CDH24: variants seen among roughly 807,000 people sequenced by gnomAD.
CDH24 encodes the protein cadherin 24.
A neutral mutation model predicts 71.2 loss-of-function variants in CDH24; 61 were observed. The observed-to-expected ratio is 0.86, with a 90% CI of 0.70 to 1.06. The LOEUF is 1.06. Among genes scored for constraint, CDH24 ranks in the 50% least tolerant of loss-of-function variants. CDH24 has a pLI of 0.00. For missense variants in CDH24, 961 were observed against 1,083.7 expected (o/e 0.89, Z 1.59); for synonymous variants, 440 against 470.2 (o/e 0.94, Z 0.83).
Position 23,055,219 on chromosome 14 carries a change from C to T in CDH24, c.336G>A (p.Lys112=), listed in dbSNP as rs1381035011. ...HVTKSLDREE[K]AQYVLLAQAV... ...CTTGGGCCAGTAGCACATATTGCGC[C>T]TTTTCCTCCCGGTCAAGGCTCTTGG... The change falls in exon 3 of 13, where the codon AAG becomes AAA. Residue 112 remains lysine (K), a synonymous_variant. Transcript: ENST00000487137. The surrounding 1 kb of genome is among the most constrained non-coding windows in gnomAD (Gnocchi z 4.1). The T allele has an allele frequency of 1.9e-6, 3 of 1,614,094 alleles. No homozygotes were observed. The Admixed American group carries it at 5.0e-5, about 27-fold the overall frequency.
chr14:23,048,240 G>C lies in CDH24; in HGVS notation c.2086C>G (p.Pro696Ala), dbSNP rs1379128262. The C allele has an allele frequency of 7.3e-7, 1 of 1,364,436 alleles. No individual in the cohort carries two copies. Among genetic ancestry groups the C allele is most frequent in the East Asian group, 3.3e-5 (1 of 29,990 alleles). 84.5% of individuals were successfully genotyped at this position (1,364,436 alleles called of 1,614,324 possible). Residue 696 changes from proline (P) to alanine (A), a missense_variant, in exon 12 of 13, where the codon CCC (proline) becomes GCC (alanine). Pro to Ala is a conservative substitution (Grantham distance 27). Transcript: ENST00000487137. Reference protein sequence around the residue: ...PRARVSRQPRPPGPADVAQLL... With the variant: ...PRARVSRQPRAPGPADVAQLL... ...TGCGCCACGTCGGCGGGGCCGGGGG[G>C]TCTGGGCTGGCGCGACACCCGGGCC...
Position 23,048,174 on chromosome 14 carries a change from CG to C in CDH24, c.2151del (p.Gly718AlafsTer85). ...ALRLREADED[P>X]GVPPYDSVQV... Reference sequence around the variant, plus strand: ...TGCACCGAGTCGTACGGGGGTACGCCGGGGTCCTCGTCCGCCTCGCGGAGCC... The same window carrying C: ...TGCACCGAGTCGTACGGGGGTACGCCGGGTCCTCGTCCGCCTCGCGGAGCC... On this transcript the variant is annotated frameshift_variant, in exon 12 of 13. Transcript: ENST00000487137. LOFTEE classifies it high-confidence loss of function. The C allele has an allele frequency of 2.2e-6, 3 of 1,350,910 alleles. No individual in the cohort carries two copies. 83.7% of individuals were successfully genotyped at this position (1,350,910 alleles called of 1,614,324 possible).
Position 23,047,224 on chromosome 14 carries a change from T to C in CDH24, c.*670A>G, listed in dbSNP as rs1271186815. On this transcript the variant is annotated 3_prime_UTR_variant, in exon 13 of 13. Coordinates refer to ENST00000487137, the MANE Select transcript of CDH24 (RefSeq NM_144985.4). Reference sequence around the variant, plus strand: ...CAGGGCTGGGATGCCCAGGGGAAGCTGACAGCTGGGCAGAGCTCCAGGGAG... The same window carrying C: ...CAGGGCTGGGATGCCCAGGGGAAGCCGACAGCTGGGCAGAGCTCCAGGGAG... 6.6e-6 allele frequency: 1 copy of C among 152,228 alleles called. No individual in the cohort carries two copies. Among genetic ancestry groups the C allele is most frequent in the African/African-American group, 2.4e-5 (1 of 41,426 alleles). 9.4% of individuals were successfully genotyped at this position (152,228 alleles called of 1,614,324 possible). A position where few individuals can be genotyped will look rare whatever the true frequency, so the allele number is the denominator to read the frequency against.
rs1458768289 is a variant in CDH24 at position 23,048,230 on chromosome 14, G to T, written c.2096C>A (p.Pro699His). ...RVSRQPRPPG[P>H]ADVAQLLALR... The stretch of plus-strand genomic sequence containing the variant: ...CGCCAGGAGCTGCGCCACGTCGGCG[G>T]GGCCGGGGGGTCTGGGCTGGCGCGA... Residue 699 changes from proline to histidine, a missense_variant, in exon 12 of 13, where the codon CCC becomes CAC. Physicochemically the swap from Pro to His is moderately conservative, Grantham distance 77 (BLOSUM62 -2). Around this residue, in one of 2 missense-constraint regions of CDH24, gnomAD observed 290 missense variants for 272.8 expected, o/e 1.06. Coordinates refer to ENST00000487137, the MANE Select transcript of CDH24 (RefSeq NM_144985.4). The T allele has an allele frequency of 7.6e-7, 1 of 1,317,062 alleles. No homozygotes were observed. The highest frequency in any genetic ancestry group is 2.0e-5 in the South Asian group (1 of 51,124). The allele number at this position is 1,317,062 out of a possible 1,614,324, so 81.6% of individuals were successfully genotyped here.
intron 1 of CDH24, among the ~76,000 whole-genome samples, chr14:23,056,085 C>G (rs958777082): frequency 6.6e-6 from 1 of 152,180 alleles, no homozygotes; most frequent in African/African-American, 2.4e-5. Context: ...GAGTAGAGAA[C>G]TGGGGAGGAA....
chr14:23,054,167 G>T lies in CDH24; in HGVS notation c.946C>A (p.Arg316=). 6.2e-7 allele frequency: 1 copy of T among 1,607,786 alleles called. No individual in the cohort carries two copies. The highest frequency in any genetic ancestry group is 8.5e-7 in the Non-Finnish European group (1 of 1,176,378). ...AFSISTDLQG[R]DGLLTVRKPL... is the part of the protein sequence containing the mutation. ...TTGCGGACAGTGAGGAGCCCGTCTC[G>T]ACCCTGCAAGTCTGTGCTGATGCTG... Residue 316 remains arginine (R), a synonymous_variant, in exon 6 of 13, where the codon CGA becomes AGA. Coordinates refer to ENST00000487137, the MANE Select transcript of CDH24 (RefSeq NM_144985.4). This position sits in a 1 kb window ranked among gnomAD's most constrained non-coding sequence, Gnocchi z 5.2.
chr14:23,049,760 C>A (rs1160992771), intron 9 of CDH24, 22 bp from the exon 10 acceptor site: 2 of 1,612,090 alleles, frequency 1.2e-6, no homozygotes, highest in Middle Eastern at 1.7e-4. Flanking sequence ...AAGAGAGAGG[C>A]CTTGTATGGA....
rs957603191 is a variant in CDH24, at chr14:23,047,950, C to T, written c.*30G>A. ...AGAGGGCCTGTGCCCGCTGCCCCCCCCCCGCGGTGGGCCGGGCCAGCCCGG... is the reference window on the plus strand; with the variant it reads ...AGAGGGCCTGTGCCCGCTGCCCCCCTCCCGCGGTGGGCCGGGCCAGCCCGG... On this transcript the variant is annotated 3_prime_UTR_variant, in exon 12 of 13. Coordinates refer to ENST00000487137, the MANE Select transcript of CDH24 (RefSeq NM_144985.4). The T allele has an allele frequency of 1.3e-4, 167 of 1,290,828 alleles. No homozygotes were observed. Among genetic ancestry groups the T allele is most frequent in the African/African-American group, 5.8e-4 (37 of 63,830 alleles). The allele number at this position is 1,290,828 out of a possible 1,614,324, so 80.0% of individuals were successfully genotyped here.
chr14:23,048,474 C>A lies in CDH24; in HGVS notation c.1852G>T (p.Val618Leu). 6.2e-7 allele frequency: 1 copy of A among 1,606,504 alleles called. No homozygotes were observed. The highest frequency in any genetic ancestry group is 8.5e-7 in the Non-Finnish European group (1 of 1,179,246). Residue 618 changes from valine (V) to leucine (L), a missense_variant, in exon 12 of 13, where the codon GTG (valine) becomes TTG (leucine). By Grantham distance (32) the Val-to-Leu change is conservative. Transcript: ENST00000487137. ...CGCCGCAGGGCCACGAAGAGCACCA[C>A]CAGGGCTGCGCGAGAGGCGCGCACA... is the stretch of plus-strand genomic sequence containing the variant. The part of the protein sequence containing the change: ...ITCVGALLAL[V>L]VLFVALRRQK...
chr14:23,056,078 T>C (rs2047127799), intron 1 of CDH24, among the ~76,000 whole-genome samples: 1 of 151,856 alleles, frequency 6.6e-6, no homozygotes, highest in African/African-American at 2.4e-5. Flanking sequence ...CAACTCTGAG[T>C]AGAGAACTGG....
Position 23,055,312 on chromosome 14 carries a change from G to A in CDH24, c.243C>T (p.Tyr81=), listed in dbSNP as rs143834514. The change falls in exon 3 of 13, where the codon TAC becomes TAT. Residue 81 remains tyrosine (Y), a synonymous_variant. Coordinates refer to ENST00000487137, the MANE Select transcript of CDH24 (RefSeq NM_144985.4). This position sits in a 1 kb window ranked among gnomAD's most constrained non-coding sequence, Gnocchi z 4.1. Reference sequence around the variant, plus strand: ...TGCCTGCCCCCTCCCCGGTCAACAGGTACTTGGTGCGGCCCTCTCCCCGGT... The same window carrying A: ...TGCCTGCCCCCTCCCCGGTCAACAGATACTTGGTGCGGCCCTCTCCCCGGT... ...DVDRGEGRTK[Y]LLTGEGAGTV... 11 of 1,610,970 alleles carry A rather than the reference G, an allele frequency of 6.8e-6. No individual in the cohort carries two copies. The highest frequency in any genetic ancestry group is 1.7e-4 in the Middle Eastern group (1 of 6,048).
chr14:23,054,682 A>G lies in CDH24; in HGVS notation c.617-9T>C. ...GGCTGTACGCACCACTCCTAGGGAG[A>G]GATGCTGGTCAGAGGGTGTCTGTCC... On this transcript the variant is annotated splice_polypyrimidine_tract_variant and intron_variant, in intron 4 of 12. Coordinates refer to ENST00000487137, the MANE Select transcript of CDH24 (RefSeq NM_144985.4). The surrounding 1 kb of genome is among the most constrained non-coding windows in gnomAD (Gnocchi z 5.2). The G allele has an allele frequency of 6.2e-7, 1 of 1,613,626 alleles. No individual in the cohort carries two copies. The highest frequency in any genetic ancestry group is 1.7e-5 in the Admixed American group (1 of 59,984).
chr14:23,050,122 A>C, intron 8 of CDH24, 179 bp from the exon 9 acceptor site: 1 of 795,562 alleles, frequency 1.3e-6, no homozygotes, highest in African/African-American at 1.7e-5. Context: ...AACAATACCA[A>C]GTGCATACAA....
In CDH24 at chr14:23,052,570, G is replaced by A; in HGVS notation, c.1266C>T (p.Phe422=). 6.2e-7 allele frequency: 1 copy of A among 1,614,074 alleles called. No homozygotes were observed. Among genetic ancestry groups the A allele is most frequent in the Non-Finnish European group, 8.5e-7 (1 of 1,180,000 alleles). The change falls in exon 8 of 13, where the codon TTC becomes TTT. Residue 422 remains phenylalanine (F), a synonymous_variant. Coordinates refer to ENST00000487137, the MANE Select transcript of CDH24 (RefSeq NM_144985.4). ...ILPHSDPERC[F]SIQPEEGTIH... ...TGGTGCCTTCCTCGGGCTGGATAGA[G>A]AAGCAACGCTCCGGATCTGAGTGGG...
At position 23,048,241 on chromosome 14, in the gene CDH24, T is replaced by G. The variant is rs751286257; in HGVS notation, c.2085A>C (p.Arg695Ser). 1 of 1,360,730 alleles carries G rather than the reference T, an allele frequency of 7.3e-7. No individual in the cohort carries two copies. The highest frequency in any genetic ancestry group is 9.4e-7 in the Non-Finnish European group (1 of 1,062,860). 84.3% of individuals were successfully genotyped at this position (1,360,730 alleles called of 1,614,324 possible). The change falls in exon 12 of 13, where the codon AGA becomes AGC. Residue 695 changes from arginine (R) to serine (S), a missense_variant. Around this residue, in one of 2 missense-constraint regions of CDH24, gnomAD observed 290 missense variants for 272.8 expected, o/e 1.06. Transcript: ENST00000487137. The part of the protein sequence containing the change: ...LPRARVSRQP[R>S]PPGPADVAQL... ...GCGCCACGTCGGCGGGGCCGGGGGG[T>G]CTGGGCTGGCGCGACACCCGGGCCC...
Position 23,055,762 on chromosome 14 carries a change from C to A in CDH24, c.-29G>T. The A allele has an allele frequency of 1.3e-6, 2 of 1,524,404 alleles. No homozygotes were observed. Among genetic ancestry groups the A allele is most frequent in the South Asian group, 1.3e-5 (1 of 79,658 alleles). The allele number at this position is 1,524,404 out of a possible 1,614,324, so 94.4% of individuals were successfully genotyped here. A position where few individuals can be genotyped will look rare whatever the true frequency, so the allele number is the denominator to read the frequency against. ...TGGACTCCAGCCAGGGCTCTGTTCA[C>A]TGGCCCTGGGTGCTGAGGCTGGGCC... On this transcript the variant is annotated 5_prime_UTR_variant, in exon 2 of 13. Transcript: ENST00000487137. This position sits in a 1 kb window ranked among gnomAD's most constrained non-coding sequence, Gnocchi z 4.1.
At position 23,054,925 on chromosome 14, in the gene CDH24, C is replaced by T. The variant is rs989653443; in HGVS notation, c.497-59G>A. ...GCAGGGAAGGATGGGGAAGAACAAC[C>T]GATGGGGGGGGATGCAGATACGAGG... On this transcript the variant is annotated intron_variant, in intron 3 of 12. Transcript: ENST00000487137. This position sits in a 1 kb window ranked among gnomAD's most constrained non-coding sequence, Gnocchi z 5.2. 2.2e-5 allele frequency: 35 copies of T among 1,565,166 alleles called. No individual in the cohort carries two copies. The highest frequency in any genetic ancestry group is 1.7e-4 in the Middle Eastern group (1 of 5,942).
In CDH24 at chr14:23,048,146, A is replaced by C; in HGVS notation, c.2180T>G (p.Val727Gly). Residue 727 changes from valine (V) to glycine (G), a missense_variant, in exon 12 of 13, where the codon GTG becomes GGG. Val to Gly is a moderately radical substitution (Grantham distance 109). Coordinates refer to ENST00000487137, the MANE Select transcript of CDH24 (RefSeq NM_144985.4). ...GGAGCCGCGGCCCTCGTAGCCGTAC[A>C]CCTGCACCGAGTCGTACGGGGGTAC... ...PGVPPYDSVQ[V>G]YGYEGRGSSC... 7 of 1,383,428 alleles carry C rather than the reference A, an allele frequency of 5.1e-6. No homozygotes were observed. Among genetic ancestry groups the C allele is most frequent in the Non-Finnish European group, 6.5e-6 (7 of 1,068,888 alleles). The allele number at this position is 1,383,428 out of a possible 1,614,324, so 85.7% of individuals were successfully genotyped here.
chr14:23,048,617 T>A, intron 11 of CDH24, 138 bp from the exon 12 acceptor site: 2 of 835,830 alleles, frequency 2.4e-6, no homozygotes, highest in Non-Finnish European at 3.7e-6. Flanking sequence ...TTGCATTGAA[T>A]CCTGACTTCA....
Sources: gnomAD v4.1 joint callset for allele counts (sites outside exome capture counted in the v4.1 genomes callset) on GRCh38, gnomAD v4.1.1 for gene constraint, gnomAD v4.1.1 regional missense constraint, Gnocchi (gnomAD v3.1) non-coding constraint, MANE v1.5 for transcripts, NCBI Gene and HGNC (gene_info 2026-07-23, HGNC 2026-07-21) for gene names.